QTMAN: variants seen among roughly 807,000 people sequenced by gnomAD.
QTMAN encodes tRNA-queuosine alpha-mannosyltransferase.
the QTMAN span, among the ~76,000 whole-genome samples, chr2:144,001,622 C>T: frequency 6.6e-6 from 1 of 151,878 alleles, no homozygotes; most frequent in African/African-American, 2.4e-5. Context: ...TCATGGCCCA[C>T]TCCTTATTCT....
chr2:144,043,096 A>C, the QTMAN span, among the ~76,000 whole-genome samples: 7 of 151,932 alleles, frequency 4.6e-5, no homozygotes, highest in African/African-American at 1.4e-4. Flanking sequence ...TCCTCACAAC[A>C]CCTTTTTTTC....
At chr2:144,077,048 G>C in the QTMAN span, among the ~76,000 whole-genome samples, 1 of 124,326 alleles carries the variant, frequency 8.0e-6, no homozygotes, top group South Asian at 2.5e-4. Context: ...AATTCAAAAA[G>C]CCAAAAAAAA....
chr2:143,998,356 T>G, the QTMAN span, among the ~76,000 whole-genome samples: 295 of 152,166 alleles, frequency 1.9e-3, 8 homozygotes, highest in Admixed American at 0.016. Context: ...TCCCTTCTTT[T>G]GTTTAACCAA....
At chr2:143,955,879 T>A in the QTMAN span, among the ~76,000 whole-genome samples, 1 of 152,204 alleles carries the variant, frequency 6.6e-6, no homozygotes, top group Non-Finnish European at 1.5e-5. Flanking sequence ...AAACTGTTAG[T>A]ATCAAACCTG....
chr2:144,004,592 T>C, the QTMAN span, among the ~76,000 whole-genome samples: 1 of 151,854 alleles, frequency 6.6e-6, no homozygotes, highest in Admixed American at 6.6e-5. Flanking sequence ...CATTGAAGAG[T>C]CTTGCTGCGA....
At chr2:144,259,879 G>C in the QTMAN span, among the ~76,000 whole-genome samples, 5 of 152,150 alleles carry the variant, frequency 3.3e-5, no homozygotes, top group Admixed American at 3.3e-4. Context: ...TAAAAGAGTA[G>C]TTAGTAAGCA....
the QTMAN span, among the ~76,000 whole-genome samples, chr2:144,143,973 G>A: frequency 6.6e-6 from 1 of 151,892 alleles, no homozygotes; most frequent in African/African-American, 2.4e-5. Context: ...GAACAGGACT[G>A]CCTTTTGACA....
At chr2:144,147,500 CA>C in the QTMAN span, among the ~76,000 whole-genome samples, 1 of 151,758 alleles carries the variant, frequency 6.6e-6, no homozygotes, top group South Asian at 2.1e-4. Flanking sequence ...TAATTTCAAA[CA>C]ATATTTTCCT....
At chr2:144,121,583 T>G in the QTMAN span, among the ~76,000 whole-genome samples, 5 of 152,172 alleles carry the variant, frequency 3.3e-5, no homozygotes, top group Admixed American at 1.3e-4. Context: ...AACAAAAGTA[T>G]GAAGAAGGGA....
the QTMAN span, among the ~76,000 whole-genome samples, chr2:144,289,737 C>A: frequency 6.6e-6 from 1 of 152,240 alleles, no homozygotes; most frequent in African/African-American, 2.4e-5. Context: ...GGATTAAACA[C>A]TATAACCAAA....
chr2:144,052,364 G>A, the QTMAN span, among the ~76,000 whole-genome samples: 10 of 152,150 alleles, frequency 6.6e-5, no homozygotes, highest in East Asian at 1.9e-4. Context: ...GCAATATTGC[G>A]GGGTTAAGAA....
chr2:144,099,855 T>C, the QTMAN span, among the ~76,000 whole-genome samples: 1 of 152,358 alleles, frequency 6.6e-6, no homozygotes, highest in African/African-American at 2.4e-5. Context: ...TCACAGAATC[T>C]ATCACCTACA....
At chr2:144,029,465 C>T in the QTMAN span, among the ~76,000 whole-genome samples, 1 of 152,172 alleles carries the variant, frequency 6.6e-6, no homozygotes, top group African/African-American at 2.4e-5. Flanking sequence ...GGATGGCAAA[C>T]AACAATGATG....
chr2:143,969,466 G>T, the QTMAN span, among the ~76,000 whole-genome samples: 24 of 152,288 alleles, frequency 1.6e-4, no homozygotes, highest in Non-Finnish European at 2.8e-4. Context: ...AATGGGCTTT[G>T]GGGTACAATG....
the QTMAN span, among the ~76,000 whole-genome samples, chr2:144,297,375 A>G: frequency 6.6e-6 from 1 of 152,070 alleles, no homozygotes; most frequent in Non-Finnish European, 1.5e-5. Flanking sequence ...GGTCTATTAC[A>G]CTTACTCAAG....
the QTMAN span, among the ~76,000 whole-genome samples, chr2:144,243,171 C>T: frequency 2.6e-4 from 40 of 152,164 alleles, no homozygotes; most frequent in African/African-American, 7.0e-4. Context: ...TCAAAAACTA[C>T]GCTCAGAAAC....
chr2:143,976,791 C>T, the QTMAN span, among the ~76,000 whole-genome samples: 1 of 152,192 alleles, frequency 6.6e-6, no homozygotes, highest in Admixed American at 6.5e-5. Context: ...TGCTCCTCAC[C>T]ATCATTTACT....
the QTMAN span, among the ~76,000 whole-genome samples, chr2:144,065,568 T>C: frequency 6.6e-6 from 1 of 152,154 alleles, no homozygotes; most frequent in Non-Finnish European, 1.5e-5. Flanking sequence ...AGCCACTCCT[T>C]CCACTTGCCC....
chr2:143,982,462 C>T, the QTMAN span, among the ~76,000 whole-genome samples: 1 of 151,632 alleles, frequency 6.6e-6, no homozygotes, highest in Non-Finnish European at 1.5e-5. Flanking sequence ...GAACTCCTGA[C>T]CACCTCAGGT....
Sources: gnomAD v4.1 joint callset for allele counts (sites outside exome capture counted in the v4.1 genomes callset) on GRCh38, gnomAD v4.1.1 for gene constraint, MANE v1.5 for transcripts, NCBI Gene and HGNC (gene_info 2026-07-23, HGNC 2026-07-21) for gene names.